SPHKAP: variants seen among roughly 807,000 people sequenced by gnomAD.
The protein encoded by SPHKAP is SPHK1 interactor, AKAP domain containing.
A neutral mutation model predicts 137.5 loss-of-function variants in SPHKAP; 67 were observed. The ratio of observed to expected loss-of-function variants is 0.49; its 90% CI spans 0.40 to 0.60. SPHKAP has a LOEUF of 0.60. Ranked by LOEUF, SPHKAP falls within the 20% of genes least tolerant of loss-of-function variation. The pLI is 0.00. For missense variants in SPHKAP, 2,097 were observed against 2,069.3 expected, an observed-to-expected ratio of 1.01 and a Z score of -0.26; for synonymous variants, 813 against 785.3, an observed-to-expected ratio of 1.04 and a Z score of -0.59.
chr2:228,094,092 G>A (rs909167053), intron 3 of SPHKAP, among the ~76,000 whole-genome samples: 1 of 151,972 alleles, frequency 6.6e-6, no homozygotes, highest in Non-Finnish European at 1.5e-5. Flanking sequence ...CTAATTTTAG[G>A]TTTTCAGCAT....
At chr2:228,172,422 G>A (rs1195751534) in intron 1 of SPHKAP, among the ~76,000 whole-genome samples, 1 of 152,180 alleles carries the variant, frequency 6.6e-6, no homozygotes, top group Non-Finnish European at 1.5e-5. Flanking sequence ...ACTGGTCAGG[G>A]TGAGACTCAT....
At chr2:228,010,904 T>G (rs1694342192) in intron 7 of SPHKAP, among the ~76,000 whole-genome samples, 1 of 152,192 alleles carries the variant, frequency 6.6e-6, no homozygotes, top group African/African-American at 2.4e-5. Flanking sequence ...CCTCTTCATG[T>G]TTGTGCTGAG....
At chr2:228,115,770 G>A (rs1049690046) in intron 2 of SPHKAP, among the ~76,000 whole-genome samples, 15 of 152,050 alleles carry the variant, frequency 9.9e-5, no homozygotes, top group African/African-American at 3.6e-4. Context: ...TGCAGTGATA[G>A]GGAATAAAAG....
chr2:227,996,512 CCA>C (rs1559337662), intron 7 of SPHKAP, among the ~76,000 whole-genome samples: 1 of 152,176 alleles, frequency 6.6e-6, no homozygotes, highest in Non-Finnish European at 1.5e-5. Context: ...GTCCTCCTTT[CCA>C]CAGTCGGTTC....
At chr2:228,061,410 A>G (rs1466850789) in intron 3 of SPHKAP, among the ~76,000 whole-genome samples, 1 of 151,850 alleles carries the variant, frequency 6.6e-6, no homozygotes, top group Non-Finnish European at 1.5e-5. Context: ...ACTACTAACT[A>G]CTGGTGTGCC....
intron 1 of SPHKAP, among the ~76,000 whole-genome samples, chr2:228,149,268 A>G (rs1248574903): frequency 1.3e-5 from 2 of 152,208 alleles, no homozygotes; most frequent in Non-Finnish European, 2.9e-5. Flanking sequence ...TCTTTTTTGC[A>G]ATGCAAATCA....
chr2:228,132,100 A>T lies in SPHKAP; in HGVS notation c.33-15T>A. ...ACTCCAAGTTGCTGTTTGTGACCCA[A>T]AACACAAAAACACATTCCAGTGAGT... On this transcript the variant is annotated splice_polypyrimidine_tract_variant and intron_variant, in intron 1 of 11. Transcript: ENST00000392056. The T allele has an allele frequency of 6.3e-7, 1 of 1,582,110 alleles. No homozygotes were observed. The highest frequency in any genetic ancestry group is 2.2e-5 in the East Asian group (1 of 44,704).
chr2:228,011,113 G>T (rs1252653821), intron 7 of SPHKAP, among the ~76,000 whole-genome samples: 1 of 152,164 alleles, frequency 6.6e-6, no homozygotes, highest in Non-Finnish European at 1.5e-5. Context: ...GGATTTCCTG[G>T]ACCACAAGTA....
At chr2:228,068,990 C>T (rs1696918097) in intron 3 of SPHKAP, among the ~76,000 whole-genome samples, 1 of 152,136 alleles carries the variant, frequency 6.6e-6, no homozygotes, top group South Asian at 2.1e-4. Context: ...GGCAGTTGGG[C>T]TGGGGTTAAA....
At chr2:228,036,738 A>G (rs562749960) in intron 3 of SPHKAP, among the ~76,000 whole-genome samples, 347 of 152,282 alleles carry the variant, frequency 2.3e-3, no homozygotes, top group Non-Finnish European at 3.7e-3. Context: ...TTGTAGGGAC[A>G]CGGATGAAGC....
intron 7 of SPHKAP, among the ~76,000 whole-genome samples, chr2:228,005,126 G>A (rs192198578): frequency 6.6e-6 from 1 of 152,076 alleles, no homozygotes; most frequent in African/African-American, 2.4e-5. Flanking sequence ...TTTCTGTCTC[G>A]TTGATCTGTC....
chr2:228,108,469 T>C (rs1262777738), intron 3 of SPHKAP, among the ~76,000 whole-genome samples: 1 of 152,176 alleles, frequency 6.6e-6, no homozygotes, highest in Non-Finnish European at 1.5e-5. Flanking sequence ...ACTTTTCATA[T>C]TAGAAAATAC....
chr2:228,070,328 T>G (rs897192624), intron 3 of SPHKAP, among the ~76,000 whole-genome samples: 1 of 152,116 alleles, frequency 6.6e-6, no homozygotes, highest in African/African-American at 2.4e-5. Context: ...TCCTACTGTC[T>G]CAAGGGCATT....
chr2:227,983,354 A>T lies in SPHKAP; in HGVS notation c.4960-1494T>A, dbSNP rs552135143. Among the ~76,000 whole-genome samples the T allele has an allele frequency of 3.9e-5, 6 of 152,368 alleles. No homozygotes were observed. In the East Asian group the frequency reaches 9.6e-4, roughly 25 times the overall value. ...TTTGGCTTGTATTGGCTGAATCAAA[A>T]TAAAGCAATTTCCTAGGCTGGAAAA... is the stretch of plus-strand genomic sequence containing the variant. On this transcript the variant is annotated intron_variant, in intron 11 of 11. Transcript: ENST00000392056.
intron 1 of SPHKAP, among the ~76,000 whole-genome samples, chr2:228,161,383 G>A (rs1273896664): frequency 3.3e-5 from 5 of 152,178 alleles, no homozygotes; most frequent in Non-Finnish European, 7.3e-5. Context: ...TAGAAACAAT[G>A]ATATTTTCAT....
At chr2:228,115,579 G>A (rs1301262110) in intron 2 of SPHKAP, among the ~76,000 whole-genome samples, 2 of 152,058 alleles carry the variant, frequency 1.3e-5, no homozygotes, top group Non-Finnish European at 2.9e-5. Context: ...TTAAAAAATA[G>A]CAATTTTTTA....
intron 5 of SPHKAP, 53 bp from the exon 6 acceptor site, chr2:228,022,019 A>G (rs369749145): frequency 1.3e-6 from 2 of 1,514,812 alleles, no homozygotes; most frequent in East Asian, 2.3e-5. Context: ...ATAAAAGACT[A>G]TTGCCTCTGA....
At chr2:228,004,129 A>G (rs1009848486) in intron 7 of SPHKAP, among the ~76,000 whole-genome samples, 1 of 152,190 alleles carries the variant, frequency 6.6e-6, no homozygotes, top group Non-Finnish European at 1.5e-5. Context: ...TAGTTTCAAA[A>G]AGATTGGTAC....
chr2:228,137,365 G>T (rs553461509), intron 1 of SPHKAP, among the ~76,000 whole-genome samples: 1 of 152,274 alleles, frequency 6.6e-6, no homozygotes, highest in Non-Finnish European at 1.5e-5. Flanking sequence ...ACAAGTGTTT[G>T]AATTTAATGC....
Sources: gnomAD v4.1 joint callset for allele counts (sites outside exome capture counted in the v4.1 genomes callset) on GRCh38, gnomAD v4.1.1 for gene constraint, MANE v1.5 for transcripts, NCBI Gene and HGNC (gene_info 2026-07-23, HGNC 2026-07-21) for gene names.